Variants in ZNF454 observed in about 807,000 individuals in gnomAD.
ZNF454 encodes the protein zinc finger protein 454.
ZNF454 carries 30 observed loss-of-function variants against 48.2 expected under a neutral mutation model. The observed-to-expected ratio is 0.62, with a 90% CI of 0.47 to 0.84. The LOEUF (loss-of-function observed/expected upper bound fraction) is 0.84. Ranked by LOEUF, ZNF454 falls within the 40% of genes least tolerant of loss-of-function variation. The pLI is 0.00. For synonymous variants in ZNF454, 204 were observed against 211.4 expected (o/e 0.97, Z 0.30); for missense variants, 510 against 623.1 (o/e 0.82, Z 1.93).
downstream of ZNF454, chr5:178,968,828 C>T: frequency 2.2e-6 from 1 of 456,724 alleles, no homozygotes; most frequent in Non-Finnish European, 4.4e-6. Flanking sequence ...TATGTGCCTA[C>T]CGTTGAGCCA....
chr5:178,952,145 C>T (rs1190771611), intron 4 of ZNF454, among the ~76,000 whole-genome samples: 1 of 151,432 alleles, frequency 6.6e-6, no homozygotes, highest in Non-Finnish European at 1.5e-5. Context: ...TCACGCCATT[C>T]TCCTGCCTCA....
At chr5:178,988,726 C>T in the ZNF454 span, among the ~76,000 whole-genome samples, 3 of 152,190 alleles carry the variant, frequency 2.0e-5, no homozygotes, top group African/African-American at 7.2e-5. This position sits in a 1 kb window ranked among gnomAD's most constrained non-coding sequence, Gnocchi z 6.0. Context: ...TGCAAACCAG[C>T]GCAGGGAACA....
At position 178,942,708 on chromosome 5, in the gene ZNF454, T is replaced by C; in HGVS notation, c.-84T>C. Reference sequence around the variant, plus strand: ...AGCAGGTGTGTGGACCCTTCTAGCCTGAGGAGTCCTGCAGGTGTGAAGCTC... The same window carrying C: ...AGCAGGTGTGTGGACCCTTCTAGCCCGAGGAGTCCTGCAGGTGTGAAGCTC... On this transcript the variant is annotated 5_prime_UTR_variant, in exon 2 of 5. Transcript: ENST00000519564. The C allele has an allele frequency of 6.6e-7, 1 of 1,512,172 alleles. No individual in the cohort carries two copies. The highest frequency in any genetic ancestry group is 9.2e-7 in the Non-Finnish European group (1 of 1,088,760). 93.7% of individuals were successfully genotyped at this position (1,512,172 alleles called of 1,614,324 possible).
At chr5:178,966,439 A>T (rs1268567689), downstream of ZNF454, 1 of 151,920 alleles carries the variant, frequency 6.6e-6, no homozygotes, top group Non-Finnish European at 1.5e-5. Context: ...GTCTCAAAAA[A>T]AAAAAAAAAA....
chr5:178,971,546 C>G, the ZNF454 span, among the ~76,000 whole-genome samples: 1 of 151,950 alleles, frequency 6.6e-6, no homozygotes, highest in Admixed American at 6.6e-5. Context: ...TGTTTGCTGT[C>G]TCTTAAGAAC....
downstream of ZNF454, among the ~76,000 whole-genome samples, chr5:178,970,265 C>G (rs769098336): frequency 1.3e-5 from 2 of 152,314 alleles, no homozygotes; most frequent in Non-Finnish European, 2.9e-5. Context: ...CTGGCTTAGT[C>G]GGCAGTACAA....
chr5:178,971,811 G>A, the ZNF454 span, among the ~76,000 whole-genome samples: 1 of 145,282 alleles, frequency 6.9e-6, no homozygotes, highest in African/African-American at 2.6e-5. Context: ...AGCTGAGGTG[G>A]CGCCACTGCA....
chr5:178,964,538 C>T (rs1647650224), intron 4 of ZNF454, 117 bp from the exon 5 acceptor site: 1 of 828,026 alleles, frequency 1.2e-6, no homozygotes, highest in Non-Finnish European at 2.0e-6. Flanking sequence ...GTTGTTACTT[C>T]AGAAAATCTT....
At chr5:178,942,126 G>T (rs1185552151) in intron 1 of ZNF454, among the ~76,000 whole-genome samples, 1 of 151,486 alleles carries the variant, frequency 6.6e-6, no homozygotes, top group African/African-American at 2.4e-5. Context: ...ATTCTCGGCC[G>T]AGTGCGGCGG....
chr5:178,950,949 T>C (rs1464305854), intron 4 of ZNF454, among the ~76,000 whole-genome samples: 1 of 151,786 alleles, frequency 6.6e-6, no homozygotes, highest in African/African-American at 2.4e-5. Context: ...AACCTCTGCC[T>C]ACCGGGTTCA....
chr5:178,961,849 T>A (rs568956391), intron 4 of ZNF454, among the ~76,000 whole-genome samples: 1 of 151,698 alleles, frequency 6.6e-6, no homozygotes, highest in East Asian at 2.0e-4. Flanking sequence ...AGCATTTTCT[T>A]CCTTCTACCT....
chr5:178,967,660 T>C (rs1321168067), downstream of ZNF454, among the ~76,000 whole-genome samples: 1 of 151,974 alleles, frequency 6.6e-6, no homozygotes, highest in Non-Finnish European at 1.5e-5. Flanking sequence ...AAGGGCCATG[T>C]CCGTGTTCAA....
At chr5:178,957,723 T>C (rs1286428441) in intron 4 of ZNF454, among the ~76,000 whole-genome samples, 1 of 152,170 alleles carries the variant, frequency 6.6e-6, no homozygotes, top group Non-Finnish European at 1.5e-5. Context: ...CCTGAGTTGC[T>C]CACACCAGAG....
Position 178,966,200 on chromosome 5 carries a change from C to T in ZNF454, c.*227C>T, listed in dbSNP as rs779567357. On this transcript the variant is annotated 3_prime_UTR_variant, in exon 5 of 5. Coordinates refer to ENST00000519564, the MANE Select transcript of ZNF454 (RefSeq NM_001178089.3). ...AATCTTTGGGAGCACTTTGGGAGGC[C>T]GAGGTGGGCGGATCACGAGGTCAGG... 37 of 393,782 alleles carry T rather than the reference C, an allele frequency of 9.4e-5. No homozygotes were observed. Among genetic ancestry groups the T allele is most frequent in the Middle Eastern group, 6.8e-4 (1 of 1,470 alleles). The allele number at this position is 393,782 out of a possible 1,614,324, so 24.4% of individuals were successfully genotyped here.
chr5:178,972,808 G>C, the ZNF454 span, among the ~76,000 whole-genome samples: 6 of 152,168 alleles, frequency 3.9e-5, no homozygotes, highest in African/African-American at 1.4e-4. Flanking sequence ...CAGGCGGAGT[G>C]CTGACCCCGA....
Position 178,965,063 on chromosome 5 carries a change from A to G in ZNF454, c.659A>G (p.Glu220Gly). The part of the protein sequence containing the change: ...HIKEKRYECR[E>G]CGKAFHQSTH... ...AAGGAGAAAAGATATGAATGTAGAG[A>G]ATGTGGGAAAGCCTTTCACCAGAGT... is the stretch of plus-strand genomic sequence containing the variant. The change falls in exon 5 of 5, where the codon GAA becomes GGA. Residue 220 changes from glutamate (E) to glycine (G), a missense_variant. Around this residue, in one of 3 missense-constraint regions of ZNF454, gnomAD observed 354 missense variants for 408.9 expected, o/e 0.87. Transcript: ENST00000519564. The surrounding 1 kb of genome is among the most constrained non-coding windows in gnomAD (Gnocchi z 5.2). The G allele has an allele frequency of 6.2e-7, 1 of 1,614,220 alleles. No homozygotes were observed.
At chr5:178,945,525 T>G (rs1759294444) in intron 2 of ZNF454, among the ~76,000 whole-genome samples, 2 of 146,168 alleles carry the variant, frequency 1.4e-5, no homozygotes, top group Non-Finnish European at 1.5e-5. Flanking sequence ...CATCTCTGTG[T>G]GGGGGGTGTG....
chr5:178,969,214 A>G (rs562236044), downstream of ZNF454, among the ~76,000 whole-genome samples: 1 of 152,214 alleles, frequency 6.6e-6, no homozygotes, highest in South Asian at 2.1e-4. Context: ...TACTTTTCTC[A>G]CGTGGATGAT....
chr5:178,961,608 G>T (rs1760015415), intron 4 of ZNF454, among the ~76,000 whole-genome samples: 1 of 151,426 alleles, frequency 6.6e-6, no homozygotes, highest in Non-Finnish European at 1.5e-5. Flanking sequence ...CTCAGCTCAG[G>T]AGTTCGCAAC....
Sources: allele counts gnomAD v4.1 joint callset (sites outside exome capture counted in the v4.1 genomes callset), GRCh38; gene constraint gnomAD v4.1.1; regional missense constraint gnomAD v4.1.1; non-coding constraint Gnocchi (gnomAD v3.1); transcripts MANE v1.5; gene names NCBI Gene and HGNC (gene_info 2026-07-23, HGNC 2026-07-21).